Variants in RAC1 observed in about 807,000 individuals in gnomAD.
RAC1 encodes ras-related C3 botulinum toxin substrate 1.
Under a neutral mutation model 25.2 loss-of-function variants are expected in RAC1, and 2 were observed. The ratio of observed to expected loss-of-function variants is 0.08; its 90% CI spans 0.03 to 0.25. RAC1 has a LOEUF of 0.25. Among genes scored for constraint, RAC1 ranks in the 10% least tolerant of loss-of-function variants. The probability of loss-of-function intolerance (pLI) is 1.00; values close to 1 mark genes in which losing one functional copy is unlikely to be tolerated. For missense variants in RAC1, 50 were observed against 235.7 expected (o/e 0.21, Z 5.16); for synonymous variants, 88 against 94.0 (o/e 0.94, Z 0.37).
chr7:6,396,445 G>C (rs1783236491), intron 3 of RAC1, among the ~76,000 whole-genome samples: 1 of 152,148 alleles, frequency 6.6e-6, no homozygotes, highest in African/African-American at 2.4e-5. Flanking sequence ...AACAAGGAAG[G>C]AACAGGCAGA....
In RAC1 at chr7:6,403,327, C is replaced by A. The variant is rs972669602; in HGVS notation, c.*881C>A. The A allele has an allele frequency of 4.8e-6, 1 of 208,992 alleles. No homozygotes were observed. The highest frequency in any genetic ancestry group is 9.7e-6 in the Non-Finnish European group (1 of 102,634). 12.9% of individuals were successfully genotyped at this position (208,992 alleles called of 1,614,324 possible). A position where few individuals can be genotyped will look rare whatever the true frequency, so the allele number is the denominator to read the frequency against. ...TTTCTTAAGCTTTTCCTTTCTCTTA[C>A]ACCTGCCATGCCTCCCCAAATTGGG... On this transcript the variant is annotated 3_prime_UTR_variant, in exon 6 of 6. Coordinates refer to ENST00000348035, the MANE Select transcript of RAC1 (RefSeq NM_006908.5).
At chr7:6,396,745 G>T (rs1465872547) in intron 3 of RAC1, among the ~76,000 whole-genome samples, 1 of 152,166 alleles carries the variant, frequency 6.6e-6, no homozygotes, top group Non-Finnish European at 1.5e-5. Flanking sequence ...AGGAAAGCTT[G>T]AGTGGCCTGG....
At chr7:6,390,412 C>A (rs1783058363) in intron 2 of RAC1, among the ~76,000 whole-genome samples, 1 of 151,846 alleles carries the variant, frequency 6.6e-6, no homozygotes, top group African/African-American at 2.4e-5. Context: ...CCAGCCTGAT[C>A]AACATGGTGA....
intron 4 of RAC1, among the ~76,000 whole-genome samples, chr7:6,400,900 C>G (rs577364536): frequency 9.9e-5 from 15 of 152,136 alleles, no homozygotes; most frequent in Non-Finnish European, 1.6e-4. Flanking sequence ...GTCTCGAACT[C>G]CCGACCTCAG....
intron 1 of RAC1, among the ~76,000 whole-genome samples, chr7:6,385,438 A>ACGTG (rs1415192285): frequency 1.3e-5 from 2 of 152,238 alleles, no homozygotes; most frequent in Non-Finnish European, 2.9e-5. Context: ...TACAGCCAGT[A>ACGTG]CGTGCTAGAA....
chr7:6,377,729 A>G (rs560112698), intron 1 of RAC1, among the ~76,000 whole-genome samples: 7 of 152,264 alleles, frequency 4.6e-5, no homozygotes, highest in African/African-American at 1.7e-4. Flanking sequence ...AGTCTGGCCA[A>G]TATGGCGAAA....
chr7:6,374,757 G>T lies in RAC1; in HGVS notation c.22G>T (p.Val8Leu). 1 of 1,150,106 alleles carries T rather than the reference G, an allele frequency of 8.7e-7. No homozygotes were observed. Among genetic ancestry groups the T allele is most frequent in the Non-Finnish European group, 1.1e-6 (1 of 928,012 alleles). 71.2% of individuals were successfully genotyped at this position (1,150,106 alleles called of 1,614,324 possible). A position where few individuals can be genotyped will look rare whatever the true frequency, so the allele number is the denominator to read the frequency against. MQAIKCV[V>L]VGDGAVGKTC... ...CCTGATGCAGGCCATCAAGTGTGTG[G>T]TGGTGGGAGACGGGTGAGTGCGCGG... Residue 8 changes from valine to leucine, a missense_variant, in exon 1 of 6, where the codon GTG (valine) becomes TTG (leucine). Physicochemically the swap from Val to Leu is conservative, Grantham distance 32. Transcript: ENST00000348035.
At position 6,402,537 on chromosome 7, in the gene RAC1, A is replaced by AG. The variant is rs1491572747; in HGVS notation, c.*91_*92insG. On this transcript the variant is annotated 3_prime_UTR_variant, in exon 6 of 6. Transcript: ENST00000348035. ...CAAAAAAAAAAAACAAAAAAAAAAA[A>AG]CAACGGTGGAGCCTTCGCACTCAAT... 8.6e-7 allele frequency: 1 copy of AG among 1,158,516 alleles called. No homozygotes were observed. Among genetic ancestry groups the AG allele is most frequent in the Non-Finnish European group, 1.1e-6 (1 of 904,830 alleles). The allele number at this position is 1,158,516 out of a possible 1,614,324, so 71.8% of individuals were successfully genotyped here. A position where few individuals can be genotyped will look rare whatever the true frequency, so the allele number is the denominator to read the frequency against.
intron 1 of RAC1, among the ~76,000 whole-genome samples, chr7:6,380,757 G>T (rs148692297): frequency 4.6e-5 from 7 of 152,298 alleles, no homozygotes; most frequent in African/African-American, 1.7e-4. Flanking sequence ...TTCTATGACA[G>T]TATTTTGCTC....
intron 3 of RAC1, among the ~76,000 whole-genome samples, chr7:6,399,585 C>T (rs185724409): frequency 7.2e-5 from 11 of 152,268 alleles, no homozygotes; most frequent in East Asian, 1.9e-4. Flanking sequence ...TCTAGGGCAG[C>T]GTGAGGGTGG....
intron 3 of RAC1, among the ~76,000 whole-genome samples, chr7:6,396,898 C>T (rs1484768943): frequency 2.6e-5 from 4 of 151,874 alleles, no homozygotes; most frequent in Admixed American, 1.3e-4. Context: ...GGCGTGGTGG[C>T]GGGCACCTGT....
chr7:6,399,888 C>A (rs1261409339), intron 3 of RAC1: 3 of 554,964 alleles, frequency 5.4e-6, no homozygotes. Context: ...TGAAGAGCTT[C>A]CAGCATCATT....
chr7:6,382,182 A>G (rs34521445), intron 1 of RAC1, among the ~76,000 whole-genome samples: 5,561 of 152,144 alleles, frequency 0.037, 134 homozygotes, highest in South Asian at 0.098. Context: ...TTTAATAGAG[A>G]TGCAGTTTCG....
chr7:6,378,863 G>A (rs942412195), intron 1 of RAC1, among the ~76,000 whole-genome samples: 8 of 152,168 alleles, frequency 5.3e-5, no homozygotes, highest in Admixed American at 1.3e-4. Flanking sequence ...CAAGGCAGGC[G>A]GATTGCCTGA....
intron 1 of RAC1, among the ~76,000 whole-genome samples, chr7:6,384,084 C>T (rs1400484638): frequency 6.6e-6 from 1 of 151,946 alleles, no homozygotes; most frequent in East Asian, 1.9e-4. Context: ...TGTGAGCCAC[C>T]GAGCCCAGCC....
chr7:6,381,914 G>C (rs1782776706), intron 1 of RAC1, among the ~76,000 whole-genome samples: 1 of 151,908 alleles, frequency 6.6e-6, no homozygotes, highest in Admixed American at 6.6e-5. Flanking sequence ...CTTCATGCGA[G>C]GTCTTTAATT....
At chr7:6,376,496 TTTTTC>T (rs1400102175) in intron 1 of RAC1, among the ~76,000 whole-genome samples, 58 of 148,978 alleles carry the variant, frequency 3.9e-4, no homozygotes, top group Non-Finnish European at 5.9e-4. Flanking sequence ...ATTTTTTTTT[TTTTTC>T]TTTTCTTTTT....
chr7:6,398,380 G>A (rs1282612463), intron 3 of RAC1, among the ~76,000 whole-genome samples: 2 of 152,194 alleles, frequency 1.3e-5, no homozygotes, highest in Non-Finnish European at 2.9e-5. Context: ...TGTAGATTCT[G>A]GTGGGTGCTG....
intron 1 of RAC1, among the ~76,000 whole-genome samples, chr7:6,379,231 A>G (rs1782693710): frequency 6.7e-6 from 1 of 149,694 alleles, no homozygotes; most frequent in African/African-American, 2.5e-5. Flanking sequence ...CCTCCCAAGT[A>G]GCTGGAACTA....
Sources: allele counts gnomAD v4.1 joint callset (sites outside exome capture counted in the v4.1 genomes callset), GRCh38; gene constraint gnomAD v4.1.1; transcripts MANE v1.5; gene names NCBI Gene and HGNC (gene_info 2026-07-23, HGNC 2026-07-21).